Variants in ACYP2 observed in about 807,000 individuals in gnomAD.
The protein encoded by ACYP2 is acylphosphatase-2.
A neutral mutation model predicts 11.2 loss-of-function variants in ACYP2; 12 were observed. That is an observed-to-expected ratio of 1.08 (90% CI 0.69 to 1.74). The LOEUF (loss-of-function observed/expected upper bound fraction) is 1.74, where lower values mean the gene tolerates loss of function less well. Among genes scored for constraint, ACYP2 ranks in the 40% most tolerant of loss-of-function variants. ACYP2 has a pLI of 0.00. For synonymous variants in ACYP2, 43 were observed against 32.2 expected, an observed-to-expected ratio of 1.33 and a Z score of -1.13; for missense variants, 134 against 101.9, an observed-to-expected ratio of 1.31 and a Z score of -1.35.
intron 4 of ACYP2, among the ~76,000 whole-genome samples, chr2:54,088,165 G>A (rs186666260): frequency 7.9e-5 from 12 of 152,308 alleles, no homozygotes; most frequent in East Asian, 3.9e-4. Flanking sequence ...AGCCAAAAGC[G>A]TGTTGCTAGG....
At chr2:54,084,360 T>G (rs879378550) in intron 4 of ACYP2, among the ~76,000 whole-genome samples, 32 of 152,210 alleles carry the variant, frequency 2.1e-4, no homozygotes, top group Non-Finnish European at 4.0e-4. Flanking sequence ...AGTGGAGCCA[T>G]CTTGGCTCAC....
chr2:54,172,619 T>G (rs1373129279), intron 6 of ACYP2, among the ~76,000 whole-genome samples: 1 of 152,176 alleles, frequency 6.6e-6, no homozygotes, highest in East Asian at 1.9e-4. Context: ...TATTTATTAT[T>G]ATACTTTAAG....
At chr2:54,169,645 T>C (rs1436673027) in intron 6 of ACYP2, among the ~76,000 whole-genome samples, 2 of 152,218 alleles carry the variant, frequency 1.3e-5, no homozygotes, top group Non-Finnish European at 2.9e-5. Flanking sequence ...GACAACATTT[T>C]TGACAAACAG....
intron 6 of ACYP2, among the ~76,000 whole-genome samples, chr2:54,146,474 C>T (rs1442048744): frequency 6.6e-6 from 1 of 151,126 alleles, no homozygotes; most frequent in East Asian, 1.9e-4. Context: ...TGGATTTTAC[C>T]CTGTTGGCCA....
At position 54,036,713 on chromosome 2, in the gene ACYP2, G is replaced by A. The variant is rs559867771; in HGVS notation, c.63-14245G>A. On this transcript the variant is annotated intron_variant, in intron 2 of 6. Coordinates refer to ENST00000607452, the MANE Select transcript of ACYP2 (RefSeq NM_001320586.2). ...TTCAAGGAGAAAATGCACAAATTAGGCAAGCAAGAAAATTCTGGTCCATGT... is the reference window on the plus strand; with the variant it reads ...TTCAAGGAGAAAATGCACAAATTAGACAAGCAAGAAAATTCTGGTCCATGT... Among the ~76,000 whole-genome samples, 14 of 152,296 alleles carry A rather than the reference G, an allele frequency of 9.2e-5. No individual in the cohort carries two copies. The South Asian group carries it at 1.4e-3, about 16-fold the overall frequency.
At chr2:53,989,985 T>C (rs1573458576) in intron 2 of ACYP2, among the ~76,000 whole-genome samples, 2 of 135,144 alleles carry the variant, frequency 1.5e-5, no homozygotes, top group African/African-American at 5.4e-5. Flanking sequence ...TCTTTTCTTT[T>C]TTTTTTTTTT....
At chr2:54,297,633 G>A (rs1364921006) in intron 6 of ACYP2, among the ~76,000 whole-genome samples, 2 of 152,058 alleles carry the variant, frequency 1.3e-5, no homozygotes, top group Non-Finnish European at 1.5e-5. Flanking sequence ...AAGAAAAAGA[G>A]AAACTATTAT....
chr2:54,087,911 TA>T (rs35576732), intron 4 of ACYP2, among the ~76,000 whole-genome samples: 56,569 of 151,962 alleles, frequency 0.37, 11,423 homozygotes, highest in East Asian at 0.71. Flanking sequence ...ATTAAGGATA[TA>T]AAAAGTGGCA....
chr2:54,024,942 C>T (rs1371012091), intron 2 of ACYP2, among the ~76,000 whole-genome samples: 1 of 152,126 alleles, frequency 6.6e-6, no homozygotes, highest in Non-Finnish European at 1.5e-5. Context: ...TATACAGCAA[C>T]AGCAACCAAG....
intron 2 of ACYP2, among the ~76,000 whole-genome samples, chr2:54,024,308 T>A (rs1249914264): frequency 2.6e-5 from 4 of 152,072 alleles, no homozygotes; most frequent in Admixed American, 6.5e-5. Flanking sequence ...AGAGATTGCA[T>A]TCAGCCGAGA....
intron 2 of ACYP2, among the ~76,000 whole-genome samples, chr2:54,032,715 T>C (rs1674653389): frequency 2.0e-5 from 3 of 152,262 alleles, no homozygotes; most frequent in Middle Eastern, 3.4e-3. Flanking sequence ...ATTACTCCCA[T>C]TCACAATTGC....
intron 4 of ACYP2, among the ~76,000 whole-genome samples, chr2:54,079,089 A>G (rs1014457888): frequency 1.3e-5 from 2 of 152,228 alleles, no homozygotes; most frequent in African/African-American, 4.8e-5. Flanking sequence ...GTCTCTTAAA[A>G]TGAAGAGACT....
intron 2 of ACYP2, among the ~76,000 whole-genome samples, chr2:53,998,178 A>G (rs964930086): frequency 1.3e-5 from 2 of 152,346 alleles, no homozygotes; most frequent in South Asian, 2.1e-4. Context: ...TTTGGCAAGT[A>G]GTAGGTCACT....
At chr2:54,173,268 G>A (rs1683291496) in intron 6 of ACYP2, among the ~76,000 whole-genome samples, 1 of 152,152 alleles carries the variant, frequency 6.6e-6, no homozygotes, top group Non-Finnish European at 1.5e-5. Context: ...TCTCATTGTG[G>A]TTTTGATTTG....
intron 2 of ACYP2, among the ~76,000 whole-genome samples, chr2:53,978,478 A>G (rs1415721128): frequency 1.3e-5 from 2 of 152,186 alleles, no homozygotes; most frequent in African/African-American, 4.8e-5. Flanking sequence ...ACAAGATTAT[A>G]ATGGAGCTGA....
intron 4 of ACYP2, among the ~76,000 whole-genome samples, chr2:54,098,529 C>A (rs983633360): frequency 6.6e-6 from 1 of 152,078 alleles, no homozygotes; most frequent in Non-Finnish European, 1.5e-5. Flanking sequence ...CTTGTTCTCC[C>A]GAGGCAACTT....
rs1673940055 is a variant in ACYP2, at chr2:54,020,366, AT to A, written c.63-30591del. On this transcript the variant is annotated intron_variant, in intron 2 of 6. Transcript: ENST00000607452. ...TACTTTCTTTAAATGCTATTAAAAA[AT>A]AATGCTCCTAAACAAGATTTTAAAA... Among the ~76,000 whole-genome samples, 2 of 152,244 alleles carry A rather than the reference AT, an allele frequency of 1.3e-5. 1 individual carries two copies. The highest frequency in any genetic ancestry group is 4.1e-4 in the South Asian group (2 of 4,836).
At chr2:54,267,384 C>A (rs1688086775) in intron 6 of ACYP2, 1 of 1,537,592 alleles carries the variant, frequency 6.5e-7, no homozygotes, top group African/African-American at 1.4e-5. Flanking sequence ...TTTCTACTTT[C>A]AAATGAGAAG....
rs4027206 is a variant in ACYP2 at position 54,015,645 on chromosome 2, T to TCACACACACA, written c.63-35279_63-35270dup. Among the ~76,000 whole-genome samples, 339 of 130,468 alleles carry TCACACACACA rather than the reference T, an allele frequency of 2.6e-3. 1 individual carries two copies. The highest frequency in any genetic ancestry group is 8.4e-3 in the African/African-American group (272 of 32,398). 85.6% of individuals were successfully genotyped at this position (130,468 alleles called of 152,430 possible). A position where few individuals can be genotyped will look rare whatever the true frequency, so the allele number is the denominator to read the frequency against. On this transcript the variant is annotated intron_variant, in intron 2 of 6. Coordinates refer to ENST00000607452, the MANE Select transcript of ACYP2 (RefSeq NM_001320586.2). ...GCCTGGGCAACAGAGTGAGACCCCG[T>TCACACACACA]CACACACACACACACACACACACAC...
Sources: allele counts gnomAD v4.1 joint callset (sites outside exome capture counted in the v4.1 genomes callset), GRCh38; gene constraint gnomAD v4.1.1; transcripts MANE v1.5; gene names NCBI Gene and HGNC (gene_info 2026-07-23, HGNC 2026-07-21).